Variants in DIAPH2 observed in about 807,000 individuals in gnomAD.
The protein encoded by DIAPH2 is diaphanous related formin 2.
DIAPH2 carries 35 observed loss-of-function variants against 92.7 expected under a neutral mutation model. The observed-to-expected ratio is 0.38, with a 90% CI of 0.29 to 0.50. The LOEUF is 0.50. DIAPH2 is among the 20% of genes least tolerant of loss of function. The pLI is 0.94. For synonymous variants in DIAPH2, 301 were observed against 280.4 expected, an observed-to-expected ratio of 1.07 and a Z score of -0.73; for missense variants, 701 against 819.5, an observed-to-expected ratio of 0.86 and a Z score of 1.77.
intron 19 of DIAPH2, among the ~76,000 whole-genome samples, chrX:97,087,669 C>T (rs2066793317): frequency 9.0e-6 from 1 of 111,597 alleles, no homozygotes; most frequent in Non-Finnish European, 1.9e-5. Flanking sequence ...ATGTTAAAAA[C>T]CCTTGCAAAC....
intron 17 of DIAPH2, among the ~76,000 whole-genome samples, chrX:97,065,718 A>C (rs2066629441): frequency 9.0e-6 from 1 of 111,006 alleles, no homozygotes; most frequent in South Asian, 3.8e-4. Context: ...CAGGTCTTTC[A>C]CATGGTATTC....
chrX:97,126,527 G>T (rs1287522220), intron 21 of DIAPH2, among the ~76,000 whole-genome samples: 1 of 111,970 alleles, frequency 8.9e-6, no homozygotes, highest in Non-Finnish European at 1.9e-5. Flanking sequence ...TGCTTTGTGG[G>T]GATAAAGAGA....
At chrX:97,281,324 T>G (rs1351319440) in intron 23 of DIAPH2, among the ~76,000 whole-genome samples, 2 of 112,035 alleles carry the variant, frequency 1.8e-5, no homozygotes, top group South Asian at 7.5e-4. Context: ...CTCTTAATGA[T>G]TGAATAGATC....
chrX:97,484,882 G>A (rs771577256), intron 26 of DIAPH2, among the ~76,000 whole-genome samples: 131 of 110,254 alleles, frequency 1.2e-3, no homozygotes, highest in Admixed American at 5.3e-3. Context: ...GTGACAGAGC[G>A]AGAAAAAAAA....
intron 23 of DIAPH2, among the ~76,000 whole-genome samples, chrX:97,339,839 A>T (rs1336280070): frequency 2.7e-5 from 3 of 111,763 alleles, no homozygotes; most frequent in African/African-American, 6.5e-5. Context: ...ATTGCATTGA[A>T]TTTCTTATTT....
intron 4 of DIAPH2, among the ~76,000 whole-genome samples, chrX:96,837,433 CTG>C (rs1168572857): frequency 4.6e-3 from 191 of 41,291 alleles, no homozygotes; most frequent in African/African-American, 0.023. Flanking sequence ...CTCTCTCTCT[CTG>C]TGTGTGTGTG....
At chrX:97,244,918 G>A (rs964824618) in intron 22 of DIAPH2, among the ~76,000 whole-genome samples, 2 of 110,670 alleles carry the variant, frequency 1.8e-5, no homozygotes, top group African/African-American at 3.3e-5. Flanking sequence ...GTGAAACCCC[G>A]TCTCTACTAA....
intron 26 of DIAPH2, among the ~76,000 whole-genome samples, chrX:97,469,465 A>T (rs2070543343): frequency 9.0e-6 from 1 of 111,496 alleles, no homozygotes; most frequent in Non-Finnish European, 1.9e-5. Flanking sequence ...TTATTATGTG[A>T]CACGTTTATC....
intron 4 of DIAPH2, among the ~76,000 whole-genome samples, chrX:96,854,202 G>T (rs1339109799): frequency 9.1e-6 from 1 of 110,222 alleles, no homozygotes; most frequent in African/African-American, 3.3e-5. Context: ...TTTTAATAAC[G>T]TTGTACAAAA....
chrX:97,162,200 A>C (rs2067379378), intron 22 of DIAPH2, among the ~76,000 whole-genome samples: 1 of 110,684 alleles, frequency 9.0e-6, no homozygotes, highest in Non-Finnish European at 1.9e-5. Flanking sequence ...TTTTCGAATC[A>C]TCTATTAAGA....
intron 23 of DIAPH2, among the ~76,000 whole-genome samples, chrX:97,249,339 G>A (rs912497601): frequency 2.7e-5 from 3 of 111,535 alleles, no homozygotes; most frequent in African/African-American, 9.8e-5. Context: ...AGGTAATTAA[G>A]CACTTTAAAA....
At chrX:97,125,833 G>C (rs2067090573) in intron 21 of DIAPH2, among the ~76,000 whole-genome samples, 1 of 112,206 alleles carries the variant, frequency 8.9e-6, no homozygotes. Flanking sequence ...TGGTTGAATA[G>C]TATAACTGGC....
intron 22 of DIAPH2, among the ~76,000 whole-genome samples, chrX:97,191,256 AG>A (rs2067650839): frequency 9.2e-6 from 1 of 108,393 alleles, no homozygotes; most frequent in South Asian, 4.2e-4. Flanking sequence ...TGAACCTGGG[AG>A]GCAGAGGTTG....
At position 97,352,704 on chromosome X, in the gene DIAPH2, C is replaced by T. The variant is rs935864015; in HGVS notation, c.3009+4424C>T. 1.9e-5 allele frequency among the ~76,000 whole-genome samples: 2 copies of T among 106,426 alleles called. 1 individual carries two copies. Among genetic ancestry groups the T allele is most frequent in the Non-Finnish European group, 3.9e-5 (2 of 51,320 alleles). The allele number at this position is 106,426 out of a possible 115,157, so 92.4% of individuals were successfully genotyped here. On this transcript the variant is annotated intron_variant, in intron 24 of 26. Transcript: ENST00000324765. The stretch of plus-strand genomic sequence containing the variant: ...CTAACACGGTGAAACCCCGTCTCTA[C>T]TAAAAATACAAAAAAATTAGCCGGG...
chrX:97,159,513 C>T (rs779685099), intron 22 of DIAPH2, among the ~76,000 whole-genome samples: 21 of 111,412 alleles, frequency 1.9e-4, no homozygotes, highest in African/African-American at 3.9e-4. Context: ...TACCAATGAG[C>T]GATGGCTTGT....
At chrX:97,362,220 G>A (rs1315000938) in intron 24 of DIAPH2, among the ~76,000 whole-genome samples, 3 of 107,553 alleles carry the variant, frequency 2.8e-5, no homozygotes, top group Non-Finnish European at 5.8e-5. Flanking sequence ...CAGTCTGGGC[G>A]ACAGAGCAAG....
chrX:97,188,573 T>C (rs754866090), intron 22 of DIAPH2, among the ~76,000 whole-genome samples: 2 of 112,302 alleles, frequency 1.8e-5, no homozygotes, highest in Non-Finnish European at 3.8e-5. Context: ...AAGTTTGTTA[T>C]ATTGTTTAAA....
chrX:97,034,067 C>T (rs188007109), intron 17 of DIAPH2, among the ~76,000 whole-genome samples: 94 of 84,027 alleles, frequency 1.1e-3, no homozygotes, highest in Non-Finnish European at 1.6e-3. Flanking sequence ...TTTTGTAGAG[C>T]AGACATTGTT....
intron 26 of DIAPH2, among the ~76,000 whole-genome samples, chrX:97,499,247 C>A (rs1305691603): frequency 8.9e-6 from 1 of 112,118 alleles, no homozygotes; most frequent in African/African-American, 3.2e-5. Flanking sequence ...TGTACATTAA[C>A]TATATCTCTG....
Sources: allele counts gnomAD v4.1 joint callset (sites outside exome capture counted in the v4.1 genomes callset), GRCh38; gene constraint gnomAD v4.1.1; transcripts MANE v1.5; gene names NCBI Gene and HGNC (gene_info 2026-07-23, HGNC 2026-07-21).